The following PARD3 variants were observed in gnomAD, a reference collection of about 807,000 sequenced individuals.
PARD3 encodes par-3 family cell polarity regulator.
PARD3 carries 75 observed loss-of-function variants against 155.4 expected under a neutral mutation model. The observed-to-expected ratio is 0.48, with a 90% confidence interval of 0.40 to 0.58. The LOEUF (loss-of-function observed/expected upper bound fraction) is 0.58, where lower values mean the gene tolerates loss of function less well. Among genes scored for constraint, PARD3 ranks in the 20% least tolerant of loss-of-function variants. PARD3 has a pLI of 0.00. For synonymous variants in PARD3, 576 were observed against 610.5 expected, an observed-to-expected ratio of 0.94 and a Z score of 0.83; for missense variants, 1,642 against 1,721.7, an observed-to-expected ratio of 0.95 and a Z score of 0.82.
At chr10:34,453,291 A>G (rs566084521) in intron 4 of PARD3, among the ~76,000 whole-genome samples, 17 of 152,336 alleles carry the variant, frequency 1.1e-4, no homozygotes, top group Non-Finnish European at 1.3e-4. Flanking sequence ...CTGATTCTCA[A>G]TAGAACTAAT....
At chr10:34,113,453 A>G (rs1946495096) in intron 24 of PARD3, among the ~76,000 whole-genome samples, 1 of 152,090 alleles carries the variant, frequency 6.6e-6, no homozygotes, top group Non-Finnish European at 1.5e-5. Flanking sequence ...GACTGCCCTG[A>G]GGTCTGAAGT....
At chr10:34,555,811 G>T (rs2084936118) in intron 2 of PARD3, among the ~76,000 whole-genome samples, 1 of 152,052 alleles carries the variant, frequency 6.6e-6, no homozygotes, top group African/African-American at 2.4e-5. Context: ...GGAGGCAGAG[G>T]TGTCCTGGAT....
intron 15 of PARD3, chr10:34,344,158 TAGTTAA>T (rs1837129828): frequency 6.1e-6 from 6 of 983,502 alleles, no homozygotes; most frequent in Non-Finnish European, 6.0e-6. Context: ...AGTTGAGAAA[TAGTTAA>T]AGTCCCAGGC....
intron 3 of PARD3, among the ~76,000 whole-genome samples, chr10:34,502,925 C>T (rs1342030923): frequency 6.6e-6 from 1 of 152,128 alleles, no homozygotes; most frequent in South Asian, 2.1e-4. Context: ...GCCCAGCTGG[C>T]TTTCCTCCCT....
At chr10:34,565,247 C>T (rs1277158453) in intron 2 of PARD3, among the ~76,000 whole-genome samples, 1 of 89,670 alleles carries the variant, frequency 1.1e-5, no homozygotes, top group Non-Finnish European at 2.2e-5. Flanking sequence ...AGATAAAAGA[C>T]AAAGGAGCAA....
intron 2 of PARD3, among the ~76,000 whole-genome samples, chr10:34,538,339 A>T (rs1589929358): frequency 6.6e-6 from 1 of 152,252 alleles, no homozygotes; most frequent in Admixed American, 6.5e-5. Context: ...ACACTGGCTC[A>T]ACTGCCTCTG....
At position 34,401,865 on chromosome 10, in the gene PARD3, G is replaced by C. The variant is rs750445910; in HGVS notation, c.767C>G (p.Ala256Gly). Residue 256 changes from alanine to glycine, a missense_variant, in exon 6 of 25, where the codon GCT (alanine) becomes GGT (glycine). Around this residue, in one of 3 missense-constraint regions of PARD3, gnomAD observed 1,529 missense variants for 1,587.3 expected, o/e 0.96. Transcript: ENST00000374788. ...GGGTATATGCTCCAAACCCGTGTCA[G>C]CATGTCCAACAGGTTCAACACGACT... is the stretch of plus-strand genomic sequence containing the variant. ...DNSRVEPVGHADTGLEHIPNF... is the reference protein window; with the variant it reads ...DNSRVEPVGHGDTGLEHIPNF... The C allele has an allele frequency of 3.1e-6, 5 of 1,613,640 alleles. No homozygotes were observed. The highest frequency in any genetic ancestry group is 3.4e-6 in the Non-Finnish European group (4 of 1,179,594).
chr10:34,561,757 A>T (rs2085495661), intron 2 of PARD3, among the ~76,000 whole-genome samples: 1 of 151,424 alleles, frequency 6.6e-6, no homozygotes, highest in Non-Finnish European at 1.5e-5. Context: ...ATCTCAGGTG[A>T]TCCGCCCACC....
chr10:34,295,107 C>T (rs1405450706), intron 20 of PARD3, among the ~76,000 whole-genome samples: 1 of 152,136 alleles, frequency 6.6e-6, no homozygotes, highest in Admixed American at 6.5e-5. Context: ...GTCAATGGCT[C>T]TCTTCCAGAA....
chr10:34,752,924 G>A (rs1000831365), intron 1 of PARD3, among the ~76,000 whole-genome samples: 2 of 151,534 alleles, frequency 1.3e-5, no homozygotes, highest in East Asian at 3.9e-4. Context: ...CAATTACAGA[G>A]ATTGGTCTCA....
At chr10:34,392,931 C>T (rs1300086932) in intron 7 of PARD3, among the ~76,000 whole-genome samples, 1 of 152,020 alleles carries the variant, frequency 6.6e-6, no homozygotes, top group East Asian at 1.9e-4. Flanking sequence ...AGGGCAAGGG[C>T]TGACAACTGC....
chr10:34,309,264 T>C (rs1957571048), intron 20 of PARD3, among the ~76,000 whole-genome samples: 1 of 151,962 alleles, frequency 6.6e-6, no homozygotes, highest in African/African-American at 2.4e-5. Context: ...AATGATCCTG[T>C]AGAGAGAAGA....
chr10:34,615,724 A>T (rs990550688), intron 2 of PARD3, among the ~76,000 whole-genome samples: 7 of 152,366 alleles, frequency 4.6e-5, no homozygotes, highest in South Asian at 2.1e-4. Flanking sequence ...AAAATATACG[A>T]TATATAAGAA....
At chr10:34,371,256 T>C (rs1040503584) in intron 12 of PARD3, among the ~76,000 whole-genome samples, 1 of 151,798 alleles carries the variant, frequency 6.6e-6, no homozygotes, top group African/African-American at 2.4e-5. Flanking sequence ...TCAGTGTGAT[T>C]TTGATTAGAT....
At chr10:34,667,269 T>C (rs1458401847) in intron 2 of PARD3, among the ~76,000 whole-genome samples, 3 of 152,194 alleles carry the variant, frequency 2.0e-5, no homozygotes, top group Non-Finnish European at 2.9e-5. Context: ...TCTAGATAGC[T>C]AGTAGGAGTG....
chr10:34,392,106 C>T (rs560721964), intron 7 of PARD3, among the ~76,000 whole-genome samples: 186 of 151,964 alleles, frequency 1.2e-3, no homozygotes, highest in African/African-American at 4.3e-3. Flanking sequence ...CGTACTCCAG[C>T]CTGGGTGACA....
At chr10:34,383,773 T>C (rs1362825735) in intron 8 of PARD3, among the ~76,000 whole-genome samples, 1 of 152,190 alleles carries the variant, frequency 6.6e-6, no homozygotes, top group African/African-American at 2.4e-5. Context: ...CAAACAGCTT[T>C]ATCTGCTTGT....
At chr10:34,517,901 T>C (rs978573580) in intron 2 of PARD3, among the ~76,000 whole-genome samples, 7 of 152,226 alleles carry the variant, frequency 4.6e-5, no homozygotes, top group Admixed American at 1.3e-4. Context: ...TGTTTTGAGA[T>C]GGAGACTCAC....
chr10:34,382,657 A>G lies in PARD3; in HGVS notation c.1282T>C (p.Ser428Pro). The change falls in exon 9 of 25, where the codon TCG becomes CCG. Residue 428 changes from serine to proline, a missense_variant. Ser to Pro is a moderately conservative substitution (Grantham distance 74, BLOSUM62 -1). This residue lies in a region of PARD3 where 1,529 missense variants were observed against 1,587.3 expected (regional missense o/e 0.96). Coordinates refer to ENST00000374788, the MANE Select transcript of PARD3 (RefSeq NM_001184785.2). ...HSRLPHSAHP[S>P]GKPPSAPASA... ...GCTGGAGCGGATGGTGGTTTTCCCG[A>G]GGGGTGTGCGCTATGAGGTAGTCTT... 1.9e-6 allele frequency: 3 copies of G among 1,614,010 alleles called. No homozygotes were observed. The highest frequency in any genetic ancestry group is 2.5e-6 in the Non-Finnish European group (3 of 1,180,018).
Sources: allele counts gnomAD v4.1 joint callset (sites outside exome capture counted in the v4.1 genomes callset), GRCh38; gene constraint gnomAD v4.1.1; regional missense constraint gnomAD v4.1.1; transcripts MANE v1.5; gene names NCBI Gene and HGNC (gene_info 2026-07-23, HGNC 2026-07-21).